Variants in CDH4 observed in about 807,000 individuals in gnomAD.
The protein encoded by CDH4 is cadherin-4.
In CDH4, 33 loss-of-function variants were observed where a neutral mutation model predicts 86.0. That is an observed-to-expected ratio of 0.38 (90% CI 0.29 to 0.51). The LOEUF (loss-of-function observed/expected upper bound fraction) is 0.51, where lower values mean the gene tolerates loss of function less well. Among genes scored for constraint, CDH4 ranks in the 20% least tolerant of loss-of-function variants. CDH4 has a pLI of 0.86. For synonymous variants in CDH4, 555 were observed against 549.4 expected, an observed-to-expected ratio of 1.01 and a Z score of -0.14; for missense variants, 1,114 against 1,307.4, an observed-to-expected ratio of 0.85 and a Z score of 2.28.
intron 2 of CDH4, among the ~76,000 whole-genome samples, chr20:61,382,625 G>A (rs577947909): frequency 1.7e-4 from 26 of 152,200 alleles, no homozygotes; most frequent in Non-Finnish European, 3.2e-4. Context: ...AAATGCAGGT[G>A]CGAGCAGGGC....
chr20:61,696,799 GA>G (rs2087719356), intron 2 of CDH4, among the ~76,000 whole-genome samples: 1 of 152,184 alleles, frequency 6.6e-6, no homozygotes, highest in Non-Finnish European at 1.5e-5. Context: ...ACATTACTTG[GA>G]AAAAGAGTGT....
At chr20:61,648,472 C>G (rs1167800704) in intron 2 of CDH4, among the ~76,000 whole-genome samples, 1 of 152,184 alleles carries the variant, frequency 6.6e-6, no homozygotes, top group African/African-American at 2.4e-5. Context: ...ACACCCGGGT[C>G]CGCAGCTCCT....
At chr20:61,472,885 A>G (rs557823781) in intron 2 of CDH4, among the ~76,000 whole-genome samples, 12 of 152,310 alleles carry the variant, frequency 7.9e-5, no homozygotes, top group African/African-American at 2.9e-4. Context: ...AAGAGGCTTA[A>G]CCAACCCTCC....
intron 2 of CDH4, among the ~76,000 whole-genome samples, chr20:61,565,215 C>CGGTGCTCTTGGTGGT (rs2086267652): frequency 2.4e-5 from 1 of 41,168 alleles, no homozygotes; most frequent in Non-Finnish European, 4.5e-5. Context: ...GCGGTGCTCT[C>CGGTGCTCTTGGTGGT]GGTGGTAGGT....
chr20:61,453,821 G>T (rs2085392736), intron 2 of CDH4, among the ~76,000 whole-genome samples: 1 of 152,218 alleles, frequency 6.6e-6, no homozygotes, highest in African/African-American at 2.4e-5. Context: ...GAGGGACCCA[G>T]TGGGAGGTAA....
chr20:61,716,011 C>T (rs1485393070), intron 2 of CDH4, among the ~76,000 whole-genome samples: 3 of 152,238 alleles, frequency 2.0e-5, no homozygotes, highest in South Asian at 2.1e-4. Flanking sequence ...CACACTTCAC[C>T]GTGGCTCCAG....
intron 2 of CDH4, among the ~76,000 whole-genome samples, chr20:61,406,226 C>T (rs1407411534): frequency 1.3e-5 from 2 of 151,698 alleles, no homozygotes; most frequent in Non-Finnish European, 2.9e-5. Context: ...ATCTGCTCTA[C>T]CCGGACCACC....
chr20:61,324,960 G>A (rs537101194), intron 2 of CDH4, among the ~76,000 whole-genome samples: 5 of 152,142 alleles, frequency 3.3e-5, no homozygotes, highest in African/African-American at 9.7e-5. Context: ...TCTTAAGCTT[G>A]CAGGAAGCAC....
At chr20:61,322,709 A>C (rs1375282410) in intron 2 of CDH4, among the ~76,000 whole-genome samples, 6 of 152,194 alleles carry the variant, frequency 3.9e-5, no homozygotes, top group Non-Finnish European at 7.3e-5. Flanking sequence ...AGACGCAGCC[A>C]CCGAGGGGTA....
At position 61,510,619 on chromosome 20, in the gene CDH4, C is replaced by T. The variant is rs1183078346; in HGVS notation, c.170-232944C>T. Among the ~76,000 whole-genome samples, 1 of 152,072 alleles carries T rather than the reference C, an allele frequency of 6.6e-6. No individual in the cohort carries two copies. The highest frequency in any genetic ancestry group is 6.6e-5 in the Admixed American group (1 of 15,266). On this transcript the variant is annotated intron_variant, in intron 2 of 15. Coordinates refer to ENST00000614565, the MANE Select transcript of CDH4 (RefSeq NM_001794.5). The surrounding 1 kb of genome is among the most constrained non-coding windows in gnomAD (Gnocchi z 4.2). ...GCTCCCATTACTGCTTGGTGGCTGA[C>T]GACCCATAGTGGGATTACTTGGGGG...
intron 11 of CDH4, 105 bp from the exon 12 acceptor site, chr20:61,928,085 G>C: frequency 2.3e-6 from 2 of 863,644 alleles, no homozygotes; most frequent in Middle Eastern, 4.5e-4. Flanking sequence ...ATGTGTCCCT[G>C]TGTATGTTGC....
intron 3 of CDH4, among the ~76,000 whole-genome samples, chr20:61,759,880 C>T (rs1222624012): frequency 6.6e-6 from 1 of 152,064 alleles, no homozygotes; most frequent in African/African-American, 2.4e-5. Context: ...CAGGACGCCC[C>T]AAACAAAGAA....
intron 4 of CDH4, among the ~76,000 whole-genome samples, chr20:61,788,822 AG>A (rs1979017277): frequency 6.6e-6 from 1 of 152,228 alleles, no homozygotes; most frequent in Non-Finnish European, 1.5e-5. Flanking sequence ...GAGGCCCAAA[AG>A]CAAAGCCAAT....
intron 2 of CDH4, among the ~76,000 whole-genome samples, chr20:61,526,343 C>T (rs1393380434): frequency 1.3e-5 from 2 of 152,120 alleles, no homozygotes; most frequent in African/African-American, 4.8e-5. Flanking sequence ...ACACGAGTCC[C>T]CCACCCAGCC....
At chr20:61,557,163 G>A (rs1458652622) in intron 2 of CDH4, among the ~76,000 whole-genome samples, 2 of 152,186 alleles carry the variant, frequency 1.3e-5, no homozygotes, top group East Asian at 1.9e-4. Context: ...GAGTGGACAC[G>A]TTCTGTGATC....
intron 4 of CDH4, among the ~76,000 whole-genome samples, chr20:61,778,045 C>T (rs1978345903): frequency 6.6e-6 from 1 of 152,270 alleles, no homozygotes; most frequent in East Asian, 1.9e-4. Flanking sequence ...CTGCTTCACA[C>T]ACACACTCCT....
At chr20:61,419,491 C>T (rs542942051) in intron 2 of CDH4, among the ~76,000 whole-genome samples, 1 of 152,220 alleles carries the variant, frequency 6.6e-6, no homozygotes, top group Non-Finnish European at 1.5e-5. Context: ...TCAAACTCTA[C>T]ATCCTGGGGT....
chr20:61,667,664 G>T (rs2087342061), intron 2 of CDH4, among the ~76,000 whole-genome samples: 1 of 148,824 alleles, frequency 6.7e-6, no homozygotes, highest in Non-Finnish European at 1.5e-5. Context: ...ACACACACCT[G>T]CACACGTGCA....
intron 2 of CDH4, among the ~76,000 whole-genome samples, chr20:61,287,462 G>A (rs1221892898): frequency 2.0e-5 from 3 of 152,100 alleles, no homozygotes; most frequent in Non-Finnish European, 2.9e-5. Context: ...GTGACAGAAC[G>A]AGACCCTGTC....
Sources: allele counts gnomAD v4.1 joint callset (sites outside exome capture counted in the v4.1 genomes callset), GRCh38; gene constraint gnomAD v4.1.1; non-coding constraint Gnocchi (gnomAD v3.1); transcripts MANE v1.5; gene names NCBI Gene and HGNC (gene_info 2026-07-23, HGNC 2026-07-21).